Variants in ELAPOR1 observed in about 807,000 individuals in gnomAD.
ELAPOR1 encodes endosome/lysosome-associated apoptosis and autophagy regulator 1.
ELAPOR1 carries 77 observed loss-of-function variants against 119.7 expected under a neutral mutation model. That is an observed-to-expected ratio of 0.64 (90% CI 0.54 to 0.78). The LOEUF (loss-of-function observed/expected upper bound fraction) is 0.78. Ranked by LOEUF, ELAPOR1 falls within the 30% of genes least tolerant of loss-of-function variation. ELAPOR1 has a pLI of 0.00. For synonymous variants in ELAPOR1, 481 were observed against 487.2 expected, an observed-to-expected ratio of 0.99 and a Z score of 0.17; for missense variants, 1,115 against 1,270.4, an observed-to-expected ratio of 0.88 and a Z score of 1.86.
intron 8 of ELAPOR1, chr1:109,187,792 C>A (rs977536972): frequency 4.7e-6 from 4 of 859,906 alleles, no homozygotes; most frequent in Non-Finnish European, 5.7e-6. Context: ...TCTGAGCCAC[C>A]TCCACCCTTG....
intron 8 of ELAPOR1, among the ~76,000 whole-genome samples, chr1:109,185,496 G>A (rs1364227917): frequency 6.6e-6 from 1 of 152,172 alleles, no homozygotes; most frequent in Non-Finnish European, 1.5e-5. Flanking sequence ...CCTCGGCACT[G>A]TTTTGTGGGC....
In ELAPOR1 at chr1:109,185,031, CT is replaced by C. The variant is rs112642730; in HGVS notation, c.953-11del. 199,171 of 1,608,702 alleles carry C rather than the reference CT, an allele frequency of 0.12. 13,731 individuals carry two copies. Among genetic ancestry groups the C allele is most frequent in the Middle Eastern group, 0.21 (1,278 of 6,050 alleles). On this transcript the variant is annotated splice_polypyrimidine_tract_variant and intron_variant, in intron 7 of 21. Coordinates refer to ENST00000369939, the MANE Select transcript of ELAPOR1 (RefSeq NM_020775.5). The stretch of plus-strand genomic sequence containing the variant: ...ATGTAACTCCAAATATTTCTTCTTG[CT>C]TTGGCAATTTAGAGAAAGGATCTTC...
rs1653533338 is a variant in ELAPOR1, at chr1:109,192,790, C to T, written c.1863C>T (p.Cys621=). ...IDRDSGTCHS[C]PTNTILKAHQ... ...GAGATTCAGGAACCTGCCACTCCTG[C>T]CCCACTAACACAATTCTGAAAGCCC... Residue 621 remains cysteine (C), a synonymous_variant, in exon 14 of 22, where the codon TGC becomes TGT. Coordinates refer to ENST00000369939, the MANE Select transcript of ELAPOR1 (RefSeq NM_020775.5). 1.2e-6 allele frequency: 2 copies of T among 1,613,958 alleles called. No homozygotes were observed. The highest frequency in any genetic ancestry group is 8.5e-7 in the Non-Finnish European group (1 of 1,180,016).
intron 7 of ELAPOR1, among the ~76,000 whole-genome samples, chr1:109,183,136 CTCT>C (rs1236973551): frequency 6.6e-6 from 1 of 151,954 alleles, no homozygotes; most frequent in Non-Finnish European, 1.5e-5. Flanking sequence ...AGAGAAACAT[CTCT>C]TTTTTTCAAA....
chr1:109,171,008 G>A (rs1651885993), intron 3 of ELAPOR1, among the ~76,000 whole-genome samples: 1 of 152,134 alleles, frequency 6.6e-6, no homozygotes, highest in African/African-American at 2.4e-5. Flanking sequence ...AGGTAGACTA[G>A]ACTGGGTGGA....
intron 21 of ELAPOR1, chr1:109,201,201 A>G: frequency 2.1e-6 from 1 of 486,292 alleles, no homozygotes; most frequent in South Asian, 1.8e-5. Flanking sequence ...TCTATGTTGT[A>G]AGAATCATCC....
chr1:109,123,062 G>A (rs775451268), intron 1 of ELAPOR1, among the ~76,000 whole-genome samples: 1 of 152,216 alleles, frequency 6.6e-6, no homozygotes, highest in Non-Finnish European at 1.5e-5. Flanking sequence ...CTAGGGCAGC[G>A]TGGCTGATCT....
chr1:109,177,854 A>C (rs1434493363), intron 7 of ELAPOR1, among the ~76,000 whole-genome samples: 7 of 152,072 alleles, frequency 4.6e-5, no homozygotes, highest in Non-Finnish European at 1.0e-4. Flanking sequence ...TTCTCATAGA[A>C]GTGTTTTGAT....
intron 1 of ELAPOR1, among the ~76,000 whole-genome samples, chr1:109,154,383 G>A (rs1402392478): frequency 1.3e-5 from 2 of 152,014 alleles, no homozygotes; most frequent in East Asian, 3.9e-4. Flanking sequence ...GGAACTGGAA[G>A]GAATCTTAGA....
chr1:109,116,880 G>A (rs899108133), intron 1 of ELAPOR1, among the ~76,000 whole-genome samples: 3 of 152,072 alleles, frequency 2.0e-5, no homozygotes, highest in African/African-American at 7.2e-5. Flanking sequence ...TAGTAGAGAT[G>A]GGGTTTCATC....
chr1:109,146,809 A>G (rs1419664646), intron 1 of ELAPOR1, among the ~76,000 whole-genome samples: 1 of 152,090 alleles, frequency 6.6e-6, no homozygotes, highest in Admixed American at 6.6e-5. Flanking sequence ...GTGCAATCAT[A>G]GTTTACTGTA....
intron 1 of ELAPOR1, among the ~76,000 whole-genome samples, chr1:109,153,081 A>G (rs1187492151): frequency 6.6e-6 from 1 of 151,916 alleles, no homozygotes; most frequent in African/African-American, 2.4e-5. Flanking sequence ...GAAATTGGTG[A>G]GTATTGAAGT....
At chr1:109,157,169 G>A (rs570348007) in intron 1 of ELAPOR1, among the ~76,000 whole-genome samples, 49 of 152,100 alleles carry the variant, frequency 3.2e-4, no homozygotes, top group Non-Finnish European at 6.5e-4. Context: ...GACACAGTAT[G>A]TAAGTGTGAC....
At chr1:109,174,015 A>ATTT (rs57356277) in intron 7 of ELAPOR1, among the ~76,000 whole-genome samples, 178 bp downstream of exon 7, 7 of 137,838 alleles carry the variant, frequency 5.1e-5, no homozygotes, top group Admixed American at 1.5e-4. Flanking sequence ...TCACTTTGTC[A>ATTT]TTTTTTTTTT....
intron 21 of ELAPOR1, chr1:109,201,502 G>C: frequency 2.6e-6 from 1 of 390,490 alleles, no homozygotes; most frequent in Non-Finnish European, 5.2e-6. Context: ...AGGTCCTCCA[G>C]GGCTATAGTC....
intron 15 of ELAPOR1, 84 bp from the exon 16 acceptor site, chr1:109,197,389 TA>T (rs1427794656): frequency 6.7e-6 from 8 of 1,186,774 alleles, no homozygotes; most frequent in Non-Finnish European, 9.7e-6. Flanking sequence ...AATTTAGATG[TA>T]AAAAAGCCTT....
intron 15 of ELAPOR1, among the ~76,000 whole-genome samples, chr1:109,196,119 G>A (rs1653778826): frequency 6.6e-6 from 1 of 152,022 alleles, no homozygotes. Context: ...TCATGCCACT[G>A]CACTCCAGCC....
intron 1 of ELAPOR1, among the ~76,000 whole-genome samples, chr1:109,143,122 G>C (rs967007280): frequency 6.6e-6 from 1 of 152,084 alleles, no homozygotes; most frequent in African/African-American, 2.4e-5. Flanking sequence ...GCTAACTTTT[G>C]TATTTTTAGT....
chr1:109,122,263 T>G (rs952338409), intron 1 of ELAPOR1, among the ~76,000 whole-genome samples: 9 of 147,516 alleles, frequency 6.1e-5, no homozygotes, highest in African/African-American at 2.3e-4. Context: ...GGTGTTGAAC[T>G]CCCAACCTCA....
Sources: allele counts gnomAD v4.1 joint callset (sites outside exome capture counted in the v4.1 genomes callset), GRCh38; gene constraint gnomAD v4.1.1; transcripts MANE v1.5; gene names NCBI Gene and HGNC (gene_info 2026-07-23, HGNC 2026-07-21).